Variants in ADAM22 observed in about 807,000 individuals in gnomAD.
ADAM22 encodes disintegrin and metalloproteinase domain-containing protein 22.
ADAM22 carries 65 observed loss-of-function variants against 144.6 expected under a neutral mutation model. The observed-to-expected ratio is 0.45, with a 90% CI of 0.37 to 0.55. ADAM22 has a LOEUF of 0.55. ADAM22 is among the 20% of genes least tolerant of loss of function. The pLI, the probability that ADAM22 is intolerant of heterozygous loss-of-function variation, is 0.00. For missense variants in ADAM22, 974 were observed against 1,184.9 expected, an observed-to-expected ratio of 0.82 and a Z score of 2.61; for synonymous variants, 391 against 412.6, an observed-to-expected ratio of 0.95 and a Z score of 0.63.
At chr7:88,051,554 G>A (rs1372298881) in intron 3 of ADAM22, among the ~76,000 whole-genome samples, 4 of 152,014 alleles carry the variant, frequency 2.6e-5, no homozygotes, top group Non-Finnish European at 4.4e-5. Flanking sequence ...CCTGTTGTGG[G>A]GTGGGGGGAG....
At chr7:88,042,458 T>C (rs1803399705) in intron 3 of ADAM22, among the ~76,000 whole-genome samples, 1 of 152,038 alleles carries the variant, frequency 6.6e-6, no homozygotes. Context: ...AATTTGGAGC[T>C]GCTTATAGCT....
At chr7:87,971,055 A>G (rs1390553524) in intron 2 of ADAM22, among the ~76,000 whole-genome samples, 1 of 152,080 alleles carries the variant, frequency 6.6e-6, no homozygotes, top group Non-Finnish European at 1.5e-5. Context: ...TCTTTTCCTT[A>G]AGTGACAGAC....
At chr7:88,108,941 A>G (rs180812228) in intron 5 of ADAM22, among the ~76,000 whole-genome samples, 43 of 152,298 alleles carry the variant, frequency 2.8e-4, no homozygotes, top group African/African-American at 9.4e-4. Context: ...GCATTTTTCT[A>G]GTTTCATCCA....
chr7:88,017,304 G>A (rs1796746725), intron 3 of ADAM22, among the ~76,000 whole-genome samples: 2 of 152,144 alleles, frequency 1.3e-5, no homozygotes, highest in Admixed American at 1.3e-4. Context: ...AATGGCAAAT[G>A]TTTAAGGTGA....
chr7:87,943,768 T>C (rs896729901), intron 2 of ADAM22, among the ~76,000 whole-genome samples: 6 of 152,208 alleles, frequency 3.9e-5, no homozygotes, highest in African/African-American at 1.4e-4. Flanking sequence ...CATTCTCCCC[T>C]ACCCCTAAAT....
chr7:88,098,822 A>G (rs911091276), intron 4 of ADAM22, among the ~76,000 whole-genome samples: 1 of 150,184 alleles, frequency 6.7e-6, no homozygotes, highest in Non-Finnish European at 1.5e-5. Context: ...GGCTCGTTTT[A>G]TTTCCTTTTA....
chr7:88,034,197 G>T (rs1800961375), intron 3 of ADAM22, among the ~76,000 whole-genome samples: 1 of 152,182 alleles, frequency 6.6e-6, no homozygotes, highest in Non-Finnish European at 1.5e-5. Flanking sequence ...CCCACGGCAT[G>T]TACTGCTTGG....
At chr7:87,966,729 T>TTTTTTTTTTTTTTTTTTTTTG (rs1849173415) in intron 2 of ADAM22, among the ~76,000 whole-genome samples, 1 of 127,924 alleles carries the variant, frequency 7.8e-6, no homozygotes, top group African/African-American at 3.0e-5. Flanking sequence ...CCGTTTTTTT[T>TTTTTTTTTTTTTTTTTTTTTG]TTTTTTTTTT....
chr7:88,094,782 A>G (rs989067237), intron 4 of ADAM22, among the ~76,000 whole-genome samples: 1 of 152,210 alleles, frequency 6.6e-6, no homozygotes, highest in Non-Finnish European at 1.5e-5. Context: ...AAATAAAAAA[A>G]ATAAACTTCT....
chr7:88,012,936 A>C (rs1190033383), intron 3 of ADAM22, among the ~76,000 whole-genome samples: 1 of 152,140 alleles, frequency 6.6e-6, no homozygotes, highest in African/African-American at 2.4e-5. Context: ...GGTGTATTTC[A>C]TGTAATTCAT....
chr7:88,185,506 AC>A (rs1333174697), intron 29 of ADAM22, among the ~76,000 whole-genome samples: 4 of 152,346 alleles, frequency 2.6e-5, no homozygotes, highest in African/African-American at 9.6e-5. Flanking sequence ...CAAATAACTT[AC>A]GTTTTATAGA....
chr7:88,162,979 T>G, intron 22 of ADAM22, 33 bp from the exon 23 acceptor site: 1 of 1,598,122 alleles, frequency 6.3e-7, no homozygotes, highest in Non-Finnish European at 8.5e-7. Context: ...GGTGAATTAA[T>G]AGATTCATTT....
rs576653245 is a variant in ADAM22 at position 88,083,503 on chromosome 7, A to G, written c.390+7811A>G. On this transcript the variant is annotated intron_variant, in intron 4 of 31. Coordinates refer to ENST00000413139, the MANE Select transcript of ADAM22 (RefSeq NM_001324418.2). ...TAAAGTATATAAAAAAAAGAATGCT[A>G]TAATGAAACCCCCCATTCCCATCAT... Among the ~76,000 whole-genome samples, 10 of 152,062 alleles carry G rather than the reference A, an allele frequency of 6.6e-5. No homozygotes were observed. The East Asian group carries it at 1.4e-3, about 21-fold the overall frequency.
At chr7:87,991,305 CTTA>C (rs1789770630) in intron 3 of ADAM22, among the ~76,000 whole-genome samples, 1 of 148,664 alleles carries the variant, frequency 6.7e-6, no homozygotes, top group South Asian at 2.1e-4. Context: ...ATCATCTTAA[CTTA>C]TTATATTAAA....
At chr7:88,045,206 C>A (rs1292969061) in intron 3 of ADAM22, among the ~76,000 whole-genome samples, 1 of 151,986 alleles carries the variant, frequency 6.6e-6, no homozygotes, top group African/African-American at 2.4e-5. Flanking sequence ...TTAGTAGAGA[C>A]AGGGTTTCAC....
intron 4 of ADAM22, among the ~76,000 whole-genome samples, chr7:88,085,306 C>T (rs1563184413): frequency 6.6e-6 from 1 of 152,056 alleles, no homozygotes; most frequent in Non-Finnish European, 1.5e-5. Context: ...CCTAAGGATG[C>T]AAATTTAAAA....
intron 2 of ADAM22, among the ~76,000 whole-genome samples, chr7:87,949,740 T>G (rs1221194360): frequency 6.6e-6 from 1 of 151,632 alleles, no homozygotes; most frequent in Non-Finnish European, 1.5e-5. Flanking sequence ...GTCTAAAAAT[T>G]AAAAATAAAT....
chr7:88,131,471 G>T, intron 11 of ADAM22, 36 bp downstream of exon 11: 6 of 1,598,194 alleles, frequency 3.8e-6, no homozygotes, highest in Non-Finnish European at 5.1e-6. Flanking sequence ...TACTTTTTTT[G>T]ATTCCATGTT....
At chr7:88,139,254 C>T (rs1480075571) in intron 14 of ADAM22, among the ~76,000 whole-genome samples, 2 of 152,010 alleles carry the variant, frequency 1.3e-5, no homozygotes, top group Non-Finnish European at 2.9e-5. Flanking sequence ...CCCGTCTCTA[C>T]TAAAAGTACA....
Sources: allele counts gnomAD v4.1 joint callset (sites outside exome capture counted in the v4.1 genomes callset), GRCh38; gene constraint gnomAD v4.1.1; transcripts MANE v1.5; gene names NCBI Gene and HGNC (gene_info 2026-07-23, HGNC 2026-07-21).